Variants in ZNF853 observed in about 807,000 individuals in gnomAD.
The protein encoded by ZNF853 is zinc finger protein 853.
In ZNF853, 57 loss-of-function variants were observed where a neutral mutation model predicts 94.7. The observed-to-expected ratio is 0.60, with a 90% CI of 0.49 to 0.75. The LOEUF is 0.75. ZNF853 is among the 30% of genes least tolerant of loss of function. ZNF853 has a pLI of 0.00. For synonymous variants in ZNF853, 448 were observed against 406.3 expected (o/e 1.10, Z -1.23); for missense variants, 785 against 868.9 (o/e 0.90, Z 1.21).
Position 6,622,222 on chromosome 7 carries a change from C to A in ZNF853, c.1231C>A (p.Leu411Met). Residue 411 changes from leucine to methionine, a missense_variant, in exon 3 of 3, where the codon CTG (leucine) becomes ATG (methionine). By Grantham distance (15) the Leu-to-Met change is conservative. Transcript: ENST00000457543. The stretch of plus-strand genomic sequence containing the variant: ...GGAGCTGACCCCCGTGCAGCCGGAG[C>A]TGCAGCTGGAACTGGTGCCAGCCGC... ...QLELTPVQPE[L>M]QLELVPAAGG... The A allele has an allele frequency of 6.5e-7, 1 of 1,533,508 alleles. No homozygotes were observed. Among genetic ancestry groups the A allele is most frequent in the Non-Finnish European group, 8.7e-7 (1 of 1,144,168 alleles). The allele number at this position is 1,533,508 out of a possible 1,614,324, so 95.0% of individuals were successfully genotyped here.
chr7:6,622,617 C>G lies in ZNF853; in HGVS notation c.1626C>G (p.Ala542=). ...QRIHTGEKPY[A]CSYCAKRFSE... is the part of the protein sequence containing the mutation. Reference sequence around the variant, plus strand: ...TCCACACGGGCGAGAAACCCTACGCCTGCTCCTACTGCGCCAAGCGCTTCA... The same window carrying G: ...TCCACACGGGCGAGAAACCCTACGCGTGCTCCTACTGCGCCAAGCGCTTCA... Residue 542 remains alanine, a synonymous_variant, in exon 3 of 3, where the codon GCC becomes GCG. Coordinates refer to ENST00000457543, the MANE Select transcript of ZNF853 (RefSeq NM_017560.3). 6.3e-7 allele frequency: 1 copy of G among 1,581,860 alleles called. No individual in the cohort carries two copies. Among genetic ancestry groups the G allele is most frequent in the Middle Eastern group, 1.7e-4 (1 of 6,034 alleles).
intron 2 of ZNF853, chr7:6,617,702 A>T: frequency 1.0e-6 from 1 of 956,420 alleles, no homozygotes; most frequent in Non-Finnish European, 1.2e-6. Flanking sequence ...CCTGCCCCAG[A>T]TGTTGGCTCC....
In ZNF853 at chr7:6,623,559, A is replaced by T. The variant is rs1782687323; in HGVS notation, c.*588A>T. 2 of 386,694 alleles carry T rather than the reference A, an allele frequency of 5.2e-6. No homozygotes were observed. The highest frequency in any genetic ancestry group is 1.5e-4 in the South Asian group (1 of 6,896). The allele number at this position is 386,694 out of a possible 1,614,324, so 24.0% of individuals were successfully genotyped here. On this transcript the variant is annotated 3_prime_UTR_variant, in exon 3 of 3. Coordinates refer to ENST00000457543, the MANE Select transcript of ZNF853 (RefSeq NM_017560.3). Reference sequence around the variant, plus strand: ...AATTCTGATGAAAACGCCTGTGTTCATCAACACAGGGTCAGAGCGCTCACC... The same window carrying T: ...AATTCTGATGAAAACGCCTGTGTTCTTCAACACAGGGTCAGAGCGCTCACC...
In ZNF853 at chr7:6,623,504, T is replaced by G. The variant is rs1033433941; in HGVS notation, c.*533T>G. 1.0e-5 allele frequency: 4 copies of G among 396,560 alleles called. No homozygotes were observed. The highest frequency in any genetic ancestry group is 8.2e-5 in the African/African-American group (4 of 48,586). The allele number at this position is 396,560 out of a possible 1,614,324, so 24.6% of individuals were successfully genotyped here. On this transcript the variant is annotated 3_prime_UTR_variant, in exon 3 of 3. Transcript: ENST00000457543. ...AGAGGCATTTGCCTTGAAAATACTTTCCAAGATGAAAATTCATCAGGGTGG... is the reference window on the plus strand; with the variant it reads ...AGAGGCATTTGCCTTGAAAATACTTGCCAAGATGAAAATTCATCAGGGTGG...
Position 6,622,964 on chromosome 7 carries a change from C to T in ZNF853, c.1973C>T (p.Ala658Val). 8.0e-7 allele frequency: 1 copy of T among 1,249,148 alleles called. No homozygotes were observed. Among genetic ancestry groups the T allele is most frequent in the Non-Finnish European group, 1.0e-6 (1 of 998,584 alleles). The allele number at this position is 1,249,148 out of a possible 1,614,324, so 77.4% of individuals were successfully genotyped here. A position where few individuals can be genotyped will look rare whatever the true frequency, so the allele number is the denominator to read the frequency against. The change falls in exon 3 of 3, where the codon GCG (alanine) becomes GTG (valine). Residue 658 changes from alanine (A) to valine (V), a missense_variant. Physicochemically the swap from Ala to Val is moderately conservative, Grantham distance 64. Transcript: ENST00000457543. ...AATATAPADK[A>V]L ...ACAGCCACTGCGCCCGCAGACAAGG[C>T]GCTGTGAGGGCCGTGATCGGGGCTG...
rs750286145 is a variant in ZNF853 at position 6,622,108 on chromosome 7, GAGCAGC to G, written c.1130_1135del (p.Gln377_Gln378del). 3.8e-5 allele frequency: 58 copies of G among 1,544,490 alleles called. No homozygotes were observed. The South Asian group carries it at 5.0e-4, about 13-fold the overall frequency. On this transcript the variant is annotated inframe_deletion, in exon 3 of 3. Transcript: ENST00000457543. ...GCTGCAGCAGCTGGAGCAACAGCTG[GAGCAGC>G]AGCAGCAGCAGCTGGAGCAGCAGGA...
rs1782591001 is a variant in ZNF853, at chr7:6,621,188, G to A, written c.197G>A (p.Arg66Gln). ...EPQERNSSPQ[R>Q]PAVSAPVGAS... ...CAGGAGAGGAACAGCAGTCCACAGC[G>A]GCCAGCAGTCTCGGCCCCAGTGGGG... The change falls in exon 3 of 3, where the codon CGG (arginine) becomes CAG (glutamine). Residue 66 changes from arginine (R) to glutamine (Q), a missense_variant. By Grantham distance (43) the Arg-to-Gln change is conservative. Transcript: ENST00000457543. The A allele has an allele frequency of 9.3e-6, 14 of 1,511,218 alleles. No individual in the cohort carries two copies. Among genetic ancestry groups the A allele is most frequent in the African/African-American group, 1.4e-5 (1 of 71,792 alleles). 93.6% of individuals were successfully genotyped at this position (1,511,218 alleles called of 1,614,324 possible).
intron 2 of ZNF853, among the ~76,000 whole-genome samples, 180 bp from the exon 3 acceptor site, chr7:6,620,942 C>T: frequency 6.6e-6 from 1 of 152,244 alleles, no homozygotes; most frequent in African/African-American, 2.4e-5. Context: ...GCCACCCCTG[C>T]CCCTGCAGCA....
rs1335147702 is a variant in ZNF853, at chr7:6,622,827, C to T, written c.1836C>T (p.Ile612=). Residue 612 remains isoleucine, a synonymous_variant, in exon 3 of 3, where the codon ATC becomes ATT. Coordinates refer to ENST00000457543, the MANE Select transcript of ZNF853 (RefSeq NM_017560.3). ...CGERFRHKVQ[I]RRHERQLHGA... ...AGCGCTTCCGACACAAGGTGCAGAT[C>T]CGCCGCCACGAGCGCCAGCTGCACG... 2.6e-6 allele frequency: 4 copies of T among 1,522,692 alleles called. No homozygotes were observed. Among genetic ancestry groups the T allele is most frequent in the African/African-American group, 2.8e-5 (2 of 71,868 alleles). 94.3% of individuals were successfully genotyped at this position (1,522,692 alleles called of 1,614,324 possible). A position where few individuals can be genotyped will look rare whatever the true frequency, so the allele number is the denominator to read the frequency against.
intron 2 of ZNF853, among the ~76,000 whole-genome samples, chr7:6,620,157 C>A: frequency 4.6e-5 from 7 of 152,150 alleles, no homozygotes; most frequent in Admixed American, 1.3e-4. Context: ...TACCTGCCGA[C>A]TGGTAGAGTT....
Position 6,623,098 on chromosome 7 carries a change from C to A in ZNF853, c.*127C>A. The A allele has an allele frequency of 1.5e-6, 1 of 657,738 alleles. No homozygotes were observed. The highest frequency in any genetic ancestry group is 7.7e-5 in the South Asian group (1 of 13,020). 40.7% of individuals were successfully genotyped at this position (657,738 alleles called of 1,614,324 possible). ...TATCCCTGGAGTAAAAGGCTTCCAC[C>A]ATCATCATCATCATCATCTTCCGGA... On this transcript the variant is annotated 3_prime_UTR_variant, in exon 3 of 3. Transcript: ENST00000457543.
intron 2 of ZNF853, among the ~76,000 whole-genome samples, chr7:6,620,354 G>A: frequency 2.0e-5 from 3 of 152,152 alleles, no homozygotes; most frequent in Non-Finnish European, 4.4e-5. Context: ...GGGGTTGATG[G>A]CTTGGCCGTT....
intron 2 of ZNF853, among the ~76,000 whole-genome samples, chr7:6,620,900 C>G: frequency 6.6e-6 from 1 of 152,254 alleles, no homozygotes; most frequent in South Asian, 2.1e-4. Context: ...AGGCGTGAGC[C>G]ACTGTGCCCG....
chr7:6,617,095 G>A, intron 1 of ZNF853, 95 bp from the exon 2 acceptor site: 18 of 935,136 alleles, frequency 1.9e-5, no homozygotes, highest in Admixed American at 5.1e-5. Flanking sequence ...TGGGTGGCCC[G>A]AGGCAGAGGT....
rs952166453 is a variant in ZNF853 at position 6,616,032 on chromosome 7, A to G, written c.-143A>G. On this transcript the variant is annotated 5_prime_UTR_variant, in exon 1 of 3. Coordinates refer to ENST00000457543, the MANE Select transcript of ZNF853 (RefSeq NM_017560.3). ...GGCGTGGACCCTCCGGAGTGCCCAGAAAGCCCCCGGGGTGGCCCTGCGCCT... is the reference window on the plus strand; with the variant it reads ...GGCGTGGACCCTCCGGAGTGCCCAGGAAGCCCCCGGGGTGGCCCTGCGCCT... 26 of 714,828 alleles carry G rather than the reference A, an allele frequency of 3.6e-5. No homozygotes were observed. The highest frequency in any genetic ancestry group is 5.2e-5 in the Non-Finnish European group (23 of 438,926). 44.3% of individuals were successfully genotyped at this position (714,828 alleles called of 1,614,324 possible).
rs1390556954 is a variant in ZNF853 at position 6,622,399 on chromosome 7, A to T, written c.1408A>T (p.Thr470Ser). ...IPGPAGSAAL[T>S]PARQRRRRRA... Reference sequence around the variant, plus strand: ...GGGCCCGGCAGGCAGCGCGGCGTTGACCCCTGCACGGCAGCGGCGGCGGCG... The same window carrying T: ...GGGCCCGGCAGGCAGCGCGGCGTTGTCCCCTGCACGGCAGCGGCGGCGGCG... The change falls in exon 3 of 3, where the codon ACC becomes TCC. Residue 470 changes from threonine (T) to serine (S), a missense_variant. Coordinates refer to ENST00000457543, the MANE Select transcript of ZNF853 (RefSeq NM_017560.3). 1.4e-6 allele frequency: 2 copies of T among 1,388,232 alleles called. No homozygotes were observed. The highest frequency in any genetic ancestry group is 3.1e-5 in the African/African-American group (2 of 64,252). 86.0% of individuals were successfully genotyped at this position (1,388,232 alleles called of 1,614,324 possible). A position where few individuals can be genotyped will look rare whatever the true frequency, so the allele number is the denominator to read the frequency against.
chr7:6,618,531 A>G, intron 2 of ZNF853, among the ~76,000 whole-genome samples: 1 of 152,234 alleles, frequency 6.6e-6, no homozygotes, highest in East Asian at 1.9e-4. Context: ...AAACATGGCA[A>G]AACCCCATCT....
At chr7:6,617,094 C>G in intron 1 of ZNF853, 96 bp from the exon 2 acceptor site, 1 of 929,946 alleles carries the variant, frequency 1.1e-6, no homozygotes, top group East Asian at 2.8e-5. Flanking sequence ...CTGGGTGGCC[C>G]GAGGCAGAGG....
Position 6,618,947 on chromosome 7 carries a change from C to T in ZNF853, c.130+1640C>T. On this transcript the variant is annotated intron_variant, in intron 2 of 2. Transcript: ENST00000457543. ...CCAATGTCAGTGTCTATGAAAAGCA[C>T]GCTCACGGATCTGTTAGCCTAACCA... Among the ~76,000 whole-genome samples, 8 of 152,020 alleles carry T rather than the reference C, an allele frequency of 5.3e-5. No individual in the cohort carries two copies. In the East Asian group the frequency reaches 1.2e-3, roughly 22 times the overall value.
Sources: gnomAD v4.1 joint callset for allele counts (sites outside exome capture counted in the v4.1 genomes callset) on GRCh38, gnomAD v4.1.1 for gene constraint, MANE v1.5 for transcripts, NCBI Gene and HGNC (gene_info 2026-07-23, HGNC 2026-07-21) for gene names.